Variants in NALF1 observed in about 807,000 individuals in gnomAD.
NALF1 encodes NALCN channel auxiliary factor 1.
Under a neutral mutation model 48.4 loss-of-function variants are expected in NALF1, and 3 were observed. That is an observed-to-expected ratio of 0.06 (90% CI 0.03 to 0.16). NALF1 has a LOEUF of 0.16. Among genes scored for constraint, NALF1 ranks in the 10% least tolerant of loss-of-function variants. The pLI, the probability that NALF1 is intolerant of heterozygous loss-of-function variation, is 1.00. For missense variants in NALF1, 526 were observed against 571.5 expected (o/e 0.92, Z 0.81); for synonymous variants, 262 against 245.7 (o/e 1.07, Z -0.62).
rs1879876887 is a variant in NALF1, at chr13:107,216,547, C to T, written c.916-5792G>A. ...TTATGACATCAGCACCCCTTGCCTT[C>T]TAGGGCTTTGTCTTGGCTCCATTTC... On this transcript the variant is annotated intron_variant, in intron 1 of 2. Transcript: ENST00000375915. Among the ~76,000 whole-genome samples, 4 of 152,204 alleles carry T rather than the reference C, an allele frequency of 2.6e-5. No homozygotes were observed. The South Asian group carries it at 8.3e-4, about 31-fold the overall frequency.
intron 1 of NALF1, among the ~76,000 whole-genome samples, chr13:107,563,377 C>T: frequency 6.6e-6 from 1 of 152,174 alleles, no homozygotes; most frequent in East Asian, 1.9e-4. Context: ...GAAACACCAG[C>T]ATCAACATCA....
At chr13:107,416,161 C>A (rs1182960887) in intron 1 of NALF1, among the ~76,000 whole-genome samples, 1 of 145,838 alleles carries the variant, frequency 6.9e-6, no homozygotes, top group East Asian at 2.0e-4. Flanking sequence ...CACCCACCAC[C>A]ATGCCCGGCT....
At chr13:107,355,551 G>A (rs558384627) in intron 1 of NALF1, among the ~76,000 whole-genome samples, 1 of 152,250 alleles carries the variant, frequency 6.6e-6, no homozygotes, top group South Asian at 2.1e-4. Context: ...CCTGGCGGGG[G>A]GTGAGTGGAT....
chr13:107,809,115 C>G (rs760177008), intron 1 of NALF1, among the ~76,000 whole-genome samples: 1 of 151,842 alleles, frequency 6.6e-6, no homozygotes, highest in South Asian at 2.1e-4. Context: ...AAATAAGGTG[C>G]AGAGTTTCAG....
chr13:107,865,957 G>T lies in NALF1; in HGVS notation c.640C>A (p.Pro214Thr). 6.2e-7 allele frequency: 1 copy of T among 1,613,578 alleles called. No homozygotes were observed. The highest frequency in any genetic ancestry group is 8.5e-7 in the Non-Finnish European group (1 of 1,179,902). ...GQEVRSKHPT[P>T]LWNLSDFYLS... ...TAAAAATCCGACAAGTTCCAGAGCG[G>T]AGTGGGATGCTTGCTCCTCACCTCC... The change falls in exon 1 of 3, where the codon CCG becomes ACG. Residue 214 changes from proline (P) to threonine (T), a missense_variant. Pro to Thr is a conservative substitution (Grantham distance 38, BLOSUM62 -1). Coordinates refer to ENST00000375915, the MANE Select transcript of NALF1 (RefSeq NM_001080396.3).
chr13:107,842,370 T>TTA (rs1356402118), intron 1 of NALF1, among the ~76,000 whole-genome samples: 3 of 152,188 alleles, frequency 2.0e-5, no homozygotes, highest in African/African-American at 7.2e-5. Flanking sequence ...TATATTGCCT[T>TTA]TAAGAACTCC....
chr13:107,458,809 GA>G (rs1176805610), intron 1 of NALF1, among the ~76,000 whole-genome samples: 1 of 152,154 alleles, frequency 6.6e-6, no homozygotes, highest in African/African-American at 2.4e-5. Flanking sequence ...AATGTAAAGA[GA>G]GACATTATTT....
intron 2 of NALF1, among the ~76,000 whole-genome samples, chr13:107,189,728 A>G (rs1003800888): frequency 2.6e-5 from 4 of 152,230 alleles, no homozygotes; most frequent in African/African-American, 7.2e-5. Context: ...TTTTATCACT[A>G]TGAACTAACC....
intron 1 of NALF1, among the ~76,000 whole-genome samples, chr13:107,407,900 A>G (rs1883926478): frequency 6.6e-6 from 1 of 152,136 alleles, no homozygotes; most frequent in Non-Finnish European, 1.5e-5. Flanking sequence ...CATATACTCA[A>G]TGGAGTACTA....
At chr13:107,535,352 C>T (rs1433839867) in intron 1 of NALF1, among the ~76,000 whole-genome samples, 9 of 152,000 alleles carry the variant, frequency 5.9e-5, no homozygotes, top group Admixed American at 1.3e-4. Flanking sequence ...TGAGATACGT[C>T]CCATCAATAC....
intron 1 of NALF1, among the ~76,000 whole-genome samples, chr13:107,790,490 A>G (rs1878199376): frequency 6.6e-6 from 1 of 152,198 alleles, no homozygotes; most frequent in African/African-American, 2.4e-5. Flanking sequence ...TTTACCCATC[A>G]TCTCCTATAT....
At chr13:107,555,944 A>C (rs1217164444) in intron 1 of NALF1, among the ~76,000 whole-genome samples, 1 of 152,158 alleles carries the variant, frequency 6.6e-6, no homozygotes, top group Non-Finnish European at 1.5e-5. Context: ...ATCTTAAGTA[A>C]GTAAAATAAC....
chr13:107,544,755 C>A (rs533887460), intron 1 of NALF1, among the ~76,000 whole-genome samples: 21 of 152,136 alleles, frequency 1.4e-4, no homozygotes, highest in African/African-American at 4.6e-4. Flanking sequence ...GGACTTTCAT[C>A]CCTGCCTTGA....
intron 1 of NALF1, among the ~76,000 whole-genome samples, chr13:107,698,456 T>C (rs1408370962): frequency 1.3e-5 from 2 of 152,140 alleles, no homozygotes; most frequent in Admixed American, 6.5e-5. Flanking sequence ...CTAGTGTCAC[T>C]TTTCTGTTTA....
At chr13:107,615,991 C>T (rs188517340) in intron 1 of NALF1, among the ~76,000 whole-genome samples, 2 of 152,238 alleles carry the variant, frequency 1.3e-5, no homozygotes, top group South Asian at 4.2e-4. Context: ...GTCCTCCACA[C>T]AGGACTGGTT....
chr13:107,342,554 C>A (rs557875280), intron 1 of NALF1, among the ~76,000 whole-genome samples: 1 of 152,180 alleles, frequency 6.6e-6, no homozygotes, highest in South Asian at 2.1e-4. Context: ...CGATGAACAG[C>A]CTTATTGAAA....
chr13:107,309,386 T>C (rs1234072266), intron 1 of NALF1, among the ~76,000 whole-genome samples: 1 of 152,266 alleles, frequency 6.6e-6, no homozygotes, highest in African/African-American at 2.4e-5. Context: ...CAAAACTATT[T>C]CTGCTTCTAA....
chr13:107,748,560 A>G (rs1876846220), intron 1 of NALF1, among the ~76,000 whole-genome samples: 1 of 152,200 alleles, frequency 6.6e-6, no homozygotes, highest in Admixed American at 6.5e-5. Context: ...CCAAAGCACA[A>G]TTGCTTGAAC....
Position 107,866,755 on chromosome 13 carries a change from C to CCTCTCT in NALF1, c.-165_-160dup, listed in dbSNP as rs143934150. On this transcript the variant is annotated 5_prime_UTR_variant, in exon 1 of 3. Coordinates refer to ENST00000375915, the MANE Select transcript of NALF1 (RefSeq NM_001080396.3). The surrounding 1 kb of genome is among the most constrained non-coding windows in gnomAD (Gnocchi z 4.4). ...TCTCTCTCTTCCCCTCTCCCTCTCT[C>CCTCTCT]CTCTCTCTCTCTCTCCCTCTCCCTC... 3.6e-6 allele frequency: 2 copies of CCTCTCT among 562,820 alleles called. No individual in the cohort carries two copies. Among genetic ancestry groups the CCTCTCT allele is most frequent in the South Asian group, 2.1e-5 (1 of 46,960 alleles). The allele number at this position is 562,820 out of a possible 1,614,324, so 34.9% of individuals were successfully genotyped here.
Sources: gnomAD v4.1 joint callset for allele counts (sites outside exome capture counted in the v4.1 genomes callset) on GRCh38, gnomAD v4.1.1 for gene constraint, Gnocchi (gnomAD v3.1) non-coding constraint, MANE v1.5 for transcripts, NCBI Gene and HGNC (gene_info 2026-07-23, HGNC 2026-07-21) for gene names.